The following CSMD1 variants were observed in gnomAD, a reference collection of about 807,000 sequenced individuals.
CSMD1 encodes CUB and Sushi multiple domains 1, also known as CUB and sushi domain-containing protein 1.
Under a neutral mutation model 417.5 loss-of-function variants are expected in CSMD1, and 213 were observed. That is an observed-to-expected ratio of 0.51 (90% CI 0.46 to 0.57). The LOEUF is 0.57. Ranked by LOEUF, CSMD1 falls within the 20% of genes least tolerant of loss-of-function variation. CSMD1 has a pLI of 0.00. For synonymous variants in CSMD1, 2,862 were observed against 1,736.8 expected (o/e 1.65, Z -16.11); for missense variants, 6,923 against 4,529.7 (o/e 1.53, Z -15.17).
intron 3 of CSMD1, among the ~76,000 whole-genome samples, chr8:4,110,868 G>C (rs1479794742): frequency 6.6e-6 from 1 of 151,874 alleles, no homozygotes; most frequent in African/African-American, 2.4e-5. Context: ...TCCTTGAAGA[G>C]TACTGAAATA....
At chr8:4,346,834 G>T (rs1224349147) in intron 3 of CSMD1, among the ~76,000 whole-genome samples, 1 of 152,220 alleles carries the variant, frequency 6.6e-6, no homozygotes, top group Non-Finnish European at 1.5e-5. Flanking sequence ...AGGGGATTGA[G>T]ACTGAGGGCC....
intron 49 of CSMD1, among the ~76,000 whole-genome samples, chr8:3,072,835 T>C (rs1454344863): frequency 1.3e-5 from 2 of 152,174 alleles, no homozygotes; most frequent in South Asian, 4.1e-4. Flanking sequence ...TAGGTGTGTG[T>C]GTGGTGCCCA....
chr8:4,177,865 C>T (rs895498001), intron 3 of CSMD1, among the ~76,000 whole-genome samples: 8 of 151,728 alleles, frequency 5.3e-5, no homozygotes, highest in East Asian at 3.9e-4. Flanking sequence ...ATACACTCTC[C>T]CAAGACTAAA....
At chr8:4,149,493 G>A (rs573141650) in intron 3 of CSMD1, among the ~76,000 whole-genome samples, 1 of 152,248 alleles carries the variant, frequency 6.6e-6, no homozygotes, top group Admixed American at 6.5e-5. Flanking sequence ...ACTCTATCTG[G>A]AATCTTGACT....
At chr8:3,558,246 C>A (rs1044936404) in intron 10 of CSMD1, among the ~76,000 whole-genome samples, 8 of 150,380 alleles carry the variant, frequency 5.3e-5, no homozygotes, top group African/African-American at 1.7e-4. Flanking sequence ...AATAGTGCCT[C>A]AATAGTACCC....
At chr8:4,961,153 CTT>C (rs1392610823) in intron 1 of CSMD1, among the ~76,000 whole-genome samples, 1 of 152,172 alleles carries the variant, frequency 6.6e-6, no homozygotes, top group Non-Finnish European at 1.5e-5. Context: ...CCTTGAACAA[CTT>C]TTTGTTTTCC....
At chr8:4,383,447 C>A (rs79643017) in intron 3 of CSMD1, among the ~76,000 whole-genome samples, 12,710 of 152,228 alleles carry the variant, frequency 0.083, 694 homozygotes, top group South Asian at 0.19. Context: ...CCATGAATTT[C>A]ACAGTAGTTC....
intron 12 of CSMD1, among the ~76,000 whole-genome samples, chr8:3,422,824 G>A (rs894555631): frequency 4.6e-5 from 7 of 152,190 alleles, no homozygotes; most frequent in African/African-American, 1.4e-4. Flanking sequence ...CACTGGGAAG[G>A]TTGGTGTCTG....
intron 6 of CSMD1, among the ~76,000 whole-genome samples, chr8:3,717,014 A>G (rs1049523668): frequency 2.0e-5 from 3 of 152,206 alleles, no homozygotes; most frequent in Non-Finnish European, 2.9e-5. Flanking sequence ...CTTAAAAAAT[A>G]AAGGTCACAA....
At chr8:4,153,931 G>A (rs891094369) in intron 3 of CSMD1, among the ~76,000 whole-genome samples, 1 of 152,212 alleles carries the variant, frequency 6.6e-6, no homozygotes, top group Admixed American at 6.5e-5. Flanking sequence ...AGGCACTGTG[G>A]ATCCTGCTTT....
chr8:3,942,002 G>C (rs919663484), intron 5 of CSMD1, among the ~76,000 whole-genome samples: 5 of 151,988 alleles, frequency 3.3e-5, no homozygotes, highest in African/African-American at 9.7e-5. Flanking sequence ...CTCTCCTCCT[G>C]TCAGACCAGC....
chr8:3,884,514 T>A (rs981339855), intron 5 of CSMD1, among the ~76,000 whole-genome samples: 3 of 152,118 alleles, frequency 2.0e-5, no homozygotes, highest in African/African-American at 7.2e-5. Flanking sequence ...TTCTCCTCCT[T>A]CGGGGTCCCA....
intron 1 of CSMD1, among the ~76,000 whole-genome samples, chr8:4,977,112 A>G (rs1168622744): frequency 6.6e-6 from 1 of 152,228 alleles, no homozygotes; most frequent in African/African-American, 2.4e-5. Context: ...GCACATTTAT[A>G]TCAACAGCTG....
At chr8:3,467,671 C>A (rs1206523307) in intron 12 of CSMD1, among the ~76,000 whole-genome samples, 2 of 152,118 alleles carry the variant, frequency 1.3e-5, no homozygotes, top group Non-Finnish European at 2.9e-5. Context: ...ACCAAGAGAC[C>A]CTTTAATATT....
At chr8:3,617,771 G>T (rs1045650787) in intron 7 of CSMD1, among the ~76,000 whole-genome samples, 3 of 152,076 alleles carry the variant, frequency 2.0e-5, no homozygotes, top group Non-Finnish European at 4.4e-5. Flanking sequence ...GAGCAATGTC[G>T]CAATTCTGAA....
chr8:4,512,042 C>A (rs934100166), intron 2 of CSMD1, among the ~76,000 whole-genome samples: 18 of 152,110 alleles, frequency 1.2e-4, no homozygotes, highest in Non-Finnish European at 2.4e-4. Context: ...AAATCCTCAA[C>A]AAAATATTAG....
chr8:3,511,976 A>C (rs1797093375), intron 10 of CSMD1, among the ~76,000 whole-genome samples: 1 of 151,066 alleles, frequency 6.6e-6, no homozygotes, highest in African/African-American at 2.4e-5. Context: ...TTACAGTCAC[A>C]GTGAGGACTC....
intron 5 of CSMD1, among the ~76,000 whole-genome samples, chr8:3,892,696 T>C (rs1807062734): frequency 6.7e-6 from 1 of 149,462 alleles, no homozygotes; most frequent in Non-Finnish European, 1.5e-5. Context: ...TAGGCACTTA[T>C]TTGAGTACAT....
chr8:4,817,369 T>G (rs554938037), intron 1 of CSMD1, among the ~76,000 whole-genome samples: 4 of 152,234 alleles, frequency 2.6e-5, no homozygotes, highest in Non-Finnish European at 4.4e-5. Flanking sequence ...TATAACAAAT[T>G]AAAAAAATGA....
Sources: gnomAD v4.1 joint callset for allele counts (sites outside exome capture counted in the v4.1 genomes callset) on GRCh38, gnomAD v4.1.1 for gene constraint, MANE v1.5 for transcripts, NCBI Gene and HGNC (gene_info 2026-07-23, HGNC 2026-07-21) for gene names.